The following SLIT2 variants were observed in gnomAD, a reference collection of about 807,000 sequenced individuals.
SLIT2 encodes slit homolog 2 protein.
Under a neutral mutation model 185.7 loss-of-function variants are expected in SLIT2, and 41 were observed. The observed-to-expected ratio is 0.22, with a 90% CI of 0.17 to 0.29. SLIT2 has a LOEUF of 0.29. Among genes scored for constraint, SLIT2 ranks in the 10% least tolerant of loss-of-function variants. SLIT2 has a pLI of 1.00. For synonymous variants in SLIT2, 693 were observed against 680.2 expected, an observed-to-expected ratio of 1.02 and a Z score of -0.29; for missense variants, 1,571 against 1,909.0, an observed-to-expected ratio of 0.82 and a Z score of 3.30.
intron 20 of SLIT2, among the ~76,000 whole-genome samples, chr4:20,542,204 A>T (rs1246167750): frequency 6.6e-6 from 1 of 152,132 alleles, no homozygotes; most frequent in Non-Finnish European, 1.5e-5. Flanking sequence ...GCATTTACAT[A>T]TTGTAATTAA....
intron 18 of SLIT2, among the ~76,000 whole-genome samples, chr4:20,538,177 G>C (rs1176633368): frequency 6.6e-6 from 1 of 152,136 alleles, no homozygotes; most frequent in Non-Finnish European, 1.5e-5. Context: ...AGCCAGGATG[G>C]TCTTGATCTC....
intron 18 of SLIT2, among the ~76,000 whole-genome samples, chr4:20,533,956 C>CAT (rs59734856): frequency 6.7e-6 from 1 of 148,666 alleles, no homozygotes; most frequent in Non-Finnish European, 1.5e-5. Context: ...CACACACACA[C>CAT]GTATTGTGAA....
intron 6 of SLIT2, among the ~76,000 whole-genome samples, chr4:20,481,990 A>G (rs1036553453): frequency 6.6e-6 from 1 of 152,166 alleles, no homozygotes; most frequent in South Asian, 2.1e-4. Flanking sequence ...AAAATATTCA[A>G]AGTGCTTATC....
chr4:20,389,004 C>A (rs1463159033), intron 4 of SLIT2, among the ~76,000 whole-genome samples: 1 of 147,628 alleles, frequency 6.8e-6, no homozygotes, highest in Non-Finnish European at 1.5e-5. Context: ...GAGATATGAA[C>A]AAAGTCAAAG....
intron 26 of SLIT2, among the ~76,000 whole-genome samples, chr4:20,564,401 G>T (rs929836208): frequency 6.6e-6 from 1 of 151,846 alleles, no homozygotes; most frequent in Non-Finnish European, 1.5e-5. Context: ...AGGATTTTTG[G>T]TTAAGGAGAA....
At chr4:20,264,384 C>A (rs961130445) in intron 3 of SLIT2, among the ~76,000 whole-genome samples, 1 of 151,656 alleles carries the variant, frequency 6.6e-6, no homozygotes, top group African/African-American at 2.4e-5. Flanking sequence ...TTATTACAGA[C>A]CTAGCACGCT....
chr4:20,460,314 A>G (rs1201142932), intron 4 of SLIT2, among the ~76,000 whole-genome samples: 1 of 152,162 alleles, frequency 6.6e-6, no homozygotes, highest in Middle Eastern at 3.2e-3. Flanking sequence ...TTATTTAGGA[A>G]AGGAATTCAA....
At chr4:20,325,327 A>G (rs948383970) in intron 4 of SLIT2, among the ~76,000 whole-genome samples, 4 of 145,996 alleles carry the variant, frequency 2.7e-5, no homozygotes, top group Non-Finnish European at 6.0e-5. Flanking sequence ...TTTGGTGACC[A>G]ACTCTGAGCC....
At chr4:20,391,142 G>A (rs556730856) in intron 4 of SLIT2, among the ~76,000 whole-genome samples, 5 of 151,778 alleles carry the variant, frequency 3.3e-5, no homozygotes, top group African/African-American at 1.2e-4. Context: ...TAGAATTGTC[G>A]GGGTAAATCC....
chr4:20,547,947 C>T (rs1455632684), intron 22 of SLIT2, among the ~76,000 whole-genome samples: 1 of 151,978 alleles, frequency 6.6e-6, no homozygotes, highest in Non-Finnish European at 1.5e-5. Context: ...GGAGCACAGA[C>T]GTTTTTATTG....
chr4:20,293,304 A>C (rs1034545248), intron 4 of SLIT2, among the ~76,000 whole-genome samples: 1 of 152,218 alleles, frequency 6.6e-6, no homozygotes, highest in African/African-American at 2.4e-5. Context: ...AAAGAAACAG[A>C]CTGGAAGCCT....
chr4:20,342,313 A>T (rs1721023063), intron 4 of SLIT2, among the ~76,000 whole-genome samples: 1 of 152,186 alleles, frequency 6.6e-6, no homozygotes, highest in Non-Finnish European at 1.5e-5. Context: ...AATAAAAGTA[A>T]ATTTTCTAAT....
intron 9 of SLIT2, among the ~76,000 whole-genome samples, chr4:20,502,737 A>G (rs1718856921): frequency 1.3e-5 from 2 of 152,202 alleles, no homozygotes; most frequent in Admixed American, 1.3e-4. Context: ...GTGGAAGTCA[A>G]ATCTTGAAGA....
chr4:20,482,374 T>A (rs921613492), intron 6 of SLIT2, among the ~76,000 whole-genome samples: 17 of 152,044 alleles, frequency 1.1e-4, no homozygotes, highest in African/African-American at 3.9e-4. Flanking sequence ...CACATAAATG[T>A]ATCGAATACC....
chr4:20,328,924 G>C (rs922565224), intron 4 of SLIT2, among the ~76,000 whole-genome samples: 1 of 152,084 alleles, frequency 6.6e-6, no homozygotes, highest in Non-Finnish European at 1.5e-5. Flanking sequence ...GCATGTGGGA[G>C]CGTGGAAAGT....
At position 20,388,792 on chromosome 4, in the gene SLIT2, AAT is replaced by A. The variant is rs1553892031; in HGVS notation, c.396-78946_396-78945del. Among the ~76,000 whole-genome samples, 218 of 132,090 alleles carry A rather than the reference AAT, an allele frequency of 1.7e-3. 1 individual carries two copies. In the East Asian group the frequency reaches 0.029, roughly 17 times the overall value. The allele number at this position is 132,090 out of a possible 152,430, so 86.7% of individuals were successfully genotyped here. ...CCGTCTCAGGGGAAAAAAAAAAAAAAATATATATATATATAACATATGTAAAA... is the reference window on the plus strand; with the variant it reads ...CCGTCTCAGGGGAAAAAAAAAAAAAAATATATATATATAACATATGTAAAA... On this transcript the variant is annotated intron_variant, in intron 4 of 36. Coordinates refer to ENST00000504154, the MANE Select transcript of SLIT2 (RefSeq NM_004787.4).
At chr4:20,422,361 A>G (rs1728231309) in intron 4 of SLIT2, among the ~76,000 whole-genome samples, 1 of 152,166 alleles carries the variant, frequency 6.6e-6, no homozygotes, top group Non-Finnish European at 1.5e-5. Context: ...GGGAAAAGAA[A>G]TACATGTTAA....
At chr4:20,593,970 A>G (rs934708122) in intron 30 of SLIT2, among the ~76,000 whole-genome samples, 12 of 150,652 alleles carry the variant, frequency 8.0e-5, no homozygotes, top group African/African-American at 2.9e-4. Context: ...GTGTGTATGT[A>G]TATGTATATA....
intron 4 of SLIT2, among the ~76,000 whole-genome samples, chr4:20,330,827 T>C (rs1250002328): frequency 6.8e-6 from 1 of 148,130 alleles, no homozygotes; most frequent in Non-Finnish European, 1.5e-5. Flanking sequence ...GTTAGAAAAA[T>C]CTTGCAGATC....
Sources: gnomAD v4.1 joint callset for allele counts (sites outside exome capture counted in the v4.1 genomes callset) on GRCh38, gnomAD v4.1.1 for gene constraint, MANE v1.5 for transcripts, NCBI Gene and HGNC (gene_info 2026-07-23, HGNC 2026-07-21) for gene names.